Variants in NAV1 observed in about 807,000 individuals in gnomAD.
NAV1 encodes the protein pore membrane and/or filament interacting like protein 3.
NAV1 carries 18 observed loss-of-function variants against 175.2 expected under a neutral mutation model. That is an observed-to-expected ratio of 0.10 (90% CI 0.07 to 0.15). The LOEUF is 0.15. Among genes scored for constraint, NAV1 ranks in the 10% least tolerant of loss-of-function variants. The pLI is 1.00. For missense variants in NAV1, 1,731 were observed against 2,436.6 expected (o/e 0.71, Z 6.10); for synonymous variants, 897 against 978.7 (o/e 0.92, Z 1.56).
intron 1 of NAV1, among the ~76,000 whole-genome samples, chr1:201,684,489 TTTTA>T (rs1318722256): frequency 6.6e-6 from 1 of 150,924 alleles, no homozygotes; most frequent in African/African-American, 2.4e-5. Flanking sequence ...TTTTTTTTTT[TTTTA>T]GACAGAGTCT....
intron 2 of NAV1, among the ~76,000 whole-genome samples, chr1:201,601,694 C>A (rs1667517155): frequency 6.6e-6 from 1 of 152,184 alleles, no homozygotes; most frequent in African/African-American, 2.4e-5. Context: ...GACACTGCAT[C>A]TCCTGGCACC....
At chr1:201,547,232 G>C (rs1447986830) in intron 1 of NAV1, among the ~76,000 whole-genome samples, 1 of 151,950 alleles carries the variant, frequency 6.6e-6, no homozygotes, top group African/African-American at 2.4e-5. Flanking sequence ...CAGGTGATAC[G>C]CCCACCTCGG....
At position 201,809,277 on chromosome 1, in the gene NAV1, G is replaced by A. The variant is rs777179043; in HGVS notation, c.4305+16G>A. The A allele has an allele frequency of 6.2e-7, 1 of 1,612,422 alleles. No homozygotes were observed. Among genetic ancestry groups the A allele is most frequent in the East Asian group, 2.2e-5 (1 of 44,866 alleles). ...CATCAAAGGGGTAAGGAACTTCAGGGAGAGCCACAGTGGGAATGAACAAAT... is the reference window on the plus strand; with the variant it reads ...CATCAAAGGGGTAAGGAACTTCAGGAAGAGCCACAGTGGGAATGAACAAAT... On this transcript the variant is annotated intron_variant, in intron 21 of 29. Transcript: ENST00000367296.
At chr1:201,562,764 C>T (rs1666238556) in intron 1 of NAV1, among the ~76,000 whole-genome samples, 1 of 152,112 alleles carries the variant, frequency 6.6e-6, no homozygotes, top group Non-Finnish European at 1.5e-5. Context: ...GGTTGGTGCT[C>T]TCTCCTGGGC....
intron 2 of NAV1, among the ~76,000 whole-genome samples, chr1:201,608,395 A>C (rs1667751384): frequency 6.6e-6 from 1 of 152,174 alleles, no homozygotes; most frequent in African/African-American, 2.4e-5. Flanking sequence ...CCCACCTCAG[A>C]TGCCCCTCTT....
In NAV1 at chr1:201,790,782, T is replaced by C; in HGVS notation, c.3321+16T>C. On this transcript the variant is annotated intron_variant, in intron 13 of 29. Coordinates refer to ENST00000367296, the Ensembl canonical transcript of NAV1. ...TTCTGCCAATGTGAGTGCCATGAAG[T>C]ACGGAAAGATCAAGGCAGTTATTTT... is the stretch of plus-strand genomic sequence containing the variant. The C allele has an allele frequency of 3.7e-6, 6 of 1,613,716 alleles. No individual in the cohort carries two copies. Among genetic ancestry groups the C allele is most frequent in the Non-Finnish European group, 5.1e-6 (6 of 1,179,644 alleles).
chr1:201,814,186 A>T (rs1358443986), intron 28 of NAV1, among the ~76,000 whole-genome samples: 1 of 151,994 alleles, frequency 6.6e-6, no homozygotes, highest in Non-Finnish European at 1.5e-5. Context: ...CTTGGGCAAC[A>T]TGGGAGACCC....
intron 3 of NAV1, among the ~76,000 whole-genome samples, chr1:201,768,019 C>A (rs188324011): frequency 5.0e-4 from 76 of 152,272 alleles, no homozygotes; most frequent in African/African-American, 1.8e-3. Flanking sequence ...GTAACTTGGT[C>A]TCTCCCTATT....
At chr1:201,602,346 G>T (rs1041328316) in intron 2 of NAV1, among the ~76,000 whole-genome samples, 3 of 152,032 alleles carry the variant, frequency 2.0e-5, no homozygotes, top group Non-Finnish European at 4.4e-5. Context: ...TTTTGTTTTT[G>T]TTTTTTCTTT....
chr1:201,808,017 C>T lies in NAV1; in HGVS notation c.3713C>T (p.Ser1238Leu), dbSNP rs1329572091. 9.3e-6 allele frequency: 15 copies of T among 1,614,012 alleles called. No homozygotes were observed. The highest frequency in any genetic ancestry group is 6.7e-5 in the East Asian group (3 of 44,880). Residue 1238 changes from serine to leucine, a missense_variant, in exon 18 of 30, where the codon TCG becomes TTG. By Grantham distance (145) the Ser-to-Leu change is moderately radical (BLOSUM62 -2). This residue lies in a region of NAV1 where 146 missense variants were observed against 176.8 expected (regional missense o/e 0.83). Transcript: ENST00000367296. This position sits in a 1 kb window ranked among gnomAD's most constrained non-coding sequence, Gnocchi z 5.5. ...GGGCCCAAGTCAGCTTCCTCATACTCGGATATAGAGGAGATTGCTACACCC... is the reference window on the plus strand; with the variant it reads ...GGGCCCAAGTCAGCTTCCTCATACTTGGATATAGAGGAGATTGCTACACCC...
intron 3 of NAV1, among the ~76,000 whole-genome samples, chr1:201,756,210 G>C (rs1332671224): frequency 6.6e-6 from 1 of 151,518 alleles, no homozygotes; most frequent in Non-Finnish European, 1.5e-5. Flanking sequence ...AGTGTTCCAA[G>C]TAACAGACTG....
In NAV1 at chr1:201,782,119, G is replaced by A. The variant is rs1676363868; in HGVS notation, c.1664-57G>A. ...CTCCCATGGAGGGAAAGAAAAGGGTGGGTTTTTAAGATACTGGTCAGTTTC... is the reference window on the plus strand; with the variant it reads ...CTCCCATGGAGGGAAAGAAAAGGGTAGGTTTTTAAGATACTGGTCAGTTTC... On this transcript the variant is annotated intron_variant, in intron 5 of 29. Coordinates refer to ENST00000367296, the Ensembl canonical transcript of NAV1. The surrounding 1 kb of genome is among the most constrained non-coding windows in gnomAD (Gnocchi z 5.4). The A allele has an allele frequency of 2.0e-5, 29 of 1,436,418 alleles. No individual in the cohort carries two copies. The South Asian group carries it at 3.8e-4, about 19-fold the overall frequency. The allele number at this position is 1,436,418 out of a possible 1,614,324, so 89.0% of individuals were successfully genotyped here.
chr1:201,622,428 G>A (rs1343166767), upstream of NAV1, among the ~76,000 whole-genome samples: 2 of 152,218 alleles, frequency 1.3e-5, no homozygotes, highest in African/African-American at 2.4e-5. Context: ...GGAACATGCA[G>A]GGCAGAGGCC....
exon 5 of NAV1, chr1:201,781,266 T>A (rs1388289758): frequency 6.2e-7 from 1 of 1,613,608 alleles, no homozygotes; most frequent in Admixed American, 1.7e-5. Context: ...TGGCTGTAAC[T>A]TCCCCCATCA....
At chr1:201,683,538 CT>C (rs1262361486) in intron 1 of NAV1, among the ~76,000 whole-genome samples, 2 of 88,780 alleles carry the variant, frequency 2.3e-5, no homozygotes, top group Non-Finnish European at 4.7e-5. Context: ...AATGCTGCTG[CT>C]GATCTGACAG....
intron 3 of NAV1, among the ~76,000 whole-genome samples, chr1:201,734,195 C>A (rs934386954): frequency 2.0e-5 from 3 of 151,970 alleles, no homozygotes; most frequent in Non-Finnish European, 4.4e-5. Flanking sequence ...ATTGCTTGAG[C>A]CCAGGAGTTC....
intron 1 of NAV1, among the ~76,000 whole-genome samples, chr1:201,656,055 G>A (rs1394472770): frequency 2.6e-5 from 4 of 152,188 alleles, no homozygotes; most frequent in Non-Finnish European, 4.4e-5. Context: ...CAGGCCCCAG[G>A]CTCTCCCTGC....
In NAV1 at chr1:201,782,436, G is replaced by C. The variant is rs983401169; in HGVS notation, c.1924G>C (p.Val642Leu). Residue 642 changes from valine (V) to leucine (L), a missense_variant, in exon 6 of 30, where the codon GTA (valine) becomes CTA (leucine). By Grantham distance (32) the Val-to-Leu change is conservative. Around this residue, in one of 13 missense-constraint regions of NAV1, gnomAD observed 634 missense variants for 766.8 expected, o/e 0.83. Transcript: ENST00000367296. The surrounding 1 kb of genome is among the most constrained non-coding windows in gnomAD (Gnocchi z 5.4). The stretch of plus-strand genomic sequence containing the variant: ...GTCCTCAGGCATCCCTGTCAAGCCA[G>C]TAAATGGGCGCAAGACTAGCTTAGA... The C allele has an allele frequency of 5.6e-6, 9 of 1,614,012 alleles. No homozygotes were observed. The African/African-American group carries it at 1.2e-4, about 22-fold the overall frequency.
upstream of NAV1, among the ~76,000 whole-genome samples, chr1:201,622,036 A>C (rs546263060): frequency 1.1e-4 from 16 of 152,364 alleles, no homozygotes; most frequent in South Asian, 3.1e-3. Context: ...AAGAGACAAG[A>C]TCAAGTGCTG....
Sources: gnomAD v4.1 joint callset for allele counts (sites outside exome capture counted in the v4.1 genomes callset) on GRCh38, gnomAD v4.1.1 for gene constraint, gnomAD v4.1.1 regional missense constraint, Gnocchi (gnomAD v3.1) non-coding constraint, MANE v1.5 for transcripts, NCBI Gene and HGNC (gene_info 2026-07-23, HGNC 2026-07-21) for gene names.